The following KCNA3 variants were observed in gnomAD, a reference collection of about 807,000 sequenced individuals.
The protein encoded by KCNA3 is potassium voltage-gated channel subfamily A member 3.
Under a neutral mutation model 34.3 loss-of-function variants are expected in KCNA3, and 18 were observed. The observed-to-expected ratio is 0.52, with a 90% CI of 0.36 to 0.78. KCNA3 has a LOEUF of 0.78. Ranked by LOEUF, KCNA3 falls within the 30% of genes least tolerant of loss-of-function variation. The pLI, the probability that KCNA3 is intolerant of heterozygous loss-of-function variation, is 0.00. For synonymous variants in KCNA3, 324 were observed against 351.7 expected, an observed-to-expected ratio of 0.92 and a Z score of 0.88; for missense variants, 587 against 802.5, an observed-to-expected ratio of 0.73 and a Z score of 3.24.
At position 110,674,032 on chromosome 1, in the gene KCNA3, G is replaced by C. The variant is rs748878390; in HGVS notation, c.778C>G (p.Arg260Gly). The change falls in exon 1 of 1, where the codon CGC (arginine) becomes GGC (glycine). Residue 260 changes from arginine (R) to glycine (G), a missense_variant. Arg to Gly is a moderately radical substitution (Grantham distance 125). Transcript: ENST00000369769. The surrounding 1 kb of genome is among the most constrained non-coding windows in gnomAD (Gnocchi z 6.4). ...IFCLETLPEF[R>G]DEKDYPASTS... ...GAGGCGGGGTAGTCCTTCTCGTCGC[G>C]GAACTCCGGCAGCGTCTCCAGGCAG... 2 of 1,608,550 alleles carry C rather than the reference G, an allele frequency of 1.2e-6. No individual in the cohort carries two copies. The highest frequency in any genetic ancestry group is 1.1e-5 in the South Asian group (1 of 90,636).
chr1:110,671,589 C>G (rs1651892554), downstream of KCNA3, among the ~76,000 whole-genome samples: 1 of 152,152 alleles, frequency 6.6e-6, no homozygotes, highest in Non-Finnish European at 1.5e-5. Context: ...GCAATTCACT[C>G]AGTTTTAAAC....
chr1:110,673,306 C>T lies in KCNA3; in HGVS notation c.1504G>A (p.Val502Met). 1.9e-6 allele frequency: 3 copies of T among 1,613,914 alleles called. No homozygotes were observed. The highest frequency in any genetic ancestry group is 2.2e-5 in the East Asian group (1 of 44,878). Residue 502 changes from valine (V) to methionine (M), a missense_variant, in exon 1 of 1, where the codon GTG becomes ATG. This residue lies in a region of KCNA3 where 95 missense variants were observed against 107.3 expected (regional missense o/e 0.89). Transcript: ENST00000369769. This position sits in a 1 kb window ranked among gnomAD's most constrained non-coding sequence, Gnocchi z 8.8. ...EGEEQSQYMH[V>M]GSCQHLSSSA... ...GAGGAGAGGTGCTGGCAACTTCCCA[C>T]GTGCATGTACTGGGATTGCTCTTCC...
At position 110,673,271 on chromosome 1, in the gene KCNA3, C is replaced by T. The variant is rs750098086; in HGVS notation, c.1539G>A (p.Glu513=). The change falls in exon 1 of 1, where the codon GAG becomes GAA. Residue 513 remains glutamate (E), a synonymous_variant. Transcript: ENST00000369769. This position sits in a 1 kb window ranked among gnomAD's most constrained non-coding sequence, Gnocchi z 8.8. The part of the protein sequence containing the change: ...GSCQHLSSSA[E]ELRKARSNST... ...AGTTACTCCTTGCTTTTCGGAGCTCCTCGGCTGAAGAGGAGAGGTGCTGGC... is the reference window on the plus strand; with the variant it reads ...AGTTACTCCTTGCTTTTCGGAGCTCTTCGGCTGAAGAGGAGAGGTGCTGGC... 3.7e-6 allele frequency: 6 copies of T among 1,614,060 alleles called. No homozygotes were observed. In the East Asian group the frequency reaches 1.3e-4, roughly 36 times the overall value.
downstream of KCNA3, among the ~76,000 whole-genome samples, chr1:110,667,669 A>G (rs1346779975): frequency 1.3e-5 from 2 of 152,152 alleles, no homozygotes; most frequent in African/African-American, 4.8e-5. Flanking sequence ...TTGATGGCTA[A>G]TGGTGCAAAT....
In KCNA3 at chr1:110,674,541, G is replaced by T. The variant is rs749760182; in HGVS notation, c.269C>A (p.Pro90Gln). ...CTCGCCCGCGGCCGGCAGTGAGGGC[G>T]GCAGCGGCTCGTAGCGGTCGCAGCC... ...GGGCDRYEPL[P>Q]PSLPAAGEQD... The change falls in exon 1 of 1, where the codon CCG becomes CAG. Residue 90 changes from proline to glutamine, a missense_variant. Physicochemically the swap from Pro to Gln is moderately conservative, Grantham distance 76 (BLOSUM62 -1). Transcript: ENST00000369769. The surrounding 1 kb of genome is among the most constrained non-coding windows in gnomAD (Gnocchi z 6.4). 2.5e-6 allele frequency: 4 copies of T among 1,604,798 alleles called. No homozygotes were observed. The highest frequency in any genetic ancestry group is 2.3e-5 in the East Asian group (1 of 44,248).
chr1:110,674,008 A>C lies in KCNA3; in HGVS notation c.802T>G (p.Ser268Ala). The C allele has an allele frequency of 1.9e-6, 3 of 1,612,726 alleles. No homozygotes were observed. Among genetic ancestry groups the C allele is most frequent in the Non-Finnish European group, 2.5e-6 (3 of 1,179,248 alleles). ...EFRDEKDYPA[S>A]TSQDSFEAAG... is the part of the protein sequence containing the mutation. ...GCTTCGAATGAGTCCTGCGACGTCG[A>C]GGCGGGGTAGTCCTTCTCGTCGCGG... The change falls in exon 1 of 1, where the codon TCG (serine) becomes GCG (alanine). Residue 268 changes from serine to alanine, a missense_variant. Around this residue, in one of 7 missense-constraint regions of KCNA3, gnomAD observed 50 missense variants for 45.3 expected, o/e 1.10. Coordinates refer to ENST00000369769, the MANE Select transcript of KCNA3 (RefSeq NM_002232.5). The surrounding 1 kb of genome is among the most constrained non-coding windows in gnomAD (Gnocchi z 6.4).
the KCNA3 span, among the ~76,000 whole-genome samples, chr1:110,657,349 G>A: frequency 1.3e-5 from 2 of 151,970 alleles, no homozygotes; most frequent in East Asian, 3.9e-4. Context: ...ACCCGGCCCT[G>A]TTTTCTTCAA....
At chr1:110,659,605 A>G in the KCNA3 span, among the ~76,000 whole-genome samples, 7 of 152,192 alleles carry the variant, frequency 4.6e-5, no homozygotes, top group Non-Finnish European at 1.0e-4. Context: ...CAGAGTAAAC[A>G]CAATAATTTA....
chr1:110,660,071 G>T, the KCNA3 span, among the ~76,000 whole-genome samples: 4 of 151,870 alleles, frequency 2.6e-5, no homozygotes, highest in Non-Finnish European at 5.9e-5. Context: ...TAACCTAGAA[G>T]TTAAAGTATA....
downstream of KCNA3, among the ~76,000 whole-genome samples, chr1:110,670,729 A>G (rs1229112377): frequency 2.0e-5 from 3 of 152,194 alleles, no homozygotes; most frequent in African/African-American, 7.2e-5. Flanking sequence ...AAAAACAAAT[A>G]TATGATAAAA....
the KCNA3 span, among the ~76,000 whole-genome samples, chr1:110,659,749 G>A: frequency 6.6e-6 from 1 of 152,162 alleles, no homozygotes; most frequent in Admixed American, 6.5e-5. Context: ...GGAATACTAT[G>A]CAGCCATAAA....
At position 110,672,785 on chromosome 1, in the gene KCNA3, G is replaced by T; in HGVS notation, c.*297C>A. 1 of 313,458 alleles carries T rather than the reference G, an allele frequency of 3.2e-6. No individual in the cohort carries two copies. Among genetic ancestry groups the T allele is most frequent in the Non-Finnish European group, 5.9e-6 (1 of 170,330 alleles). The allele number at this position is 313,458 out of a possible 1,614,324, so 19.4% of individuals were successfully genotyped here. On this transcript the variant is annotated 3_prime_UTR_variant, in exon 1 of 1. Transcript: ENST00000369769. ...GTTTCATTTCCTCCCAGGATGTACT[G>T]CTCTTTTTTAAATAGGGCGTGTACT...
chr1:110,673,910 C>A lies in KCNA3; in HGVS notation c.900G>T (p.Thr300=). The change falls in exon 1 of 1, where the codon ACG becomes ACT. Residue 300 remains threonine (T), a synonymous_variant. Coordinates refer to ENST00000369769, the MANE Select transcript of KCNA3 (RefSeq NM_002232.5). This position sits in a 1 kb window ranked among gnomAD's most constrained non-coding sequence, Gnocchi z 8.8. ...SFSDPFFVVE[T]LCIIWFSFEL... is the part of the protein sequence containing the mutation. Reference sequence around the variant, plus strand: ...CGAAGGAGAACCAGATGATGCACAGCGTCTCCACCACGAAGAAGGGATCGG... The same window carrying A: ...CGAAGGAGAACCAGATGATGCACAGAGTCTCCACCACGAAGAAGGGATCGG... The A allele has an allele frequency of 6.2e-7, 1 of 1,614,158 alleles. No homozygotes were observed. Among genetic ancestry groups the A allele is most frequent in the Non-Finnish European group, 8.5e-7 (1 of 1,180,026 alleles).
At position 110,674,370 on chromosome 1, in the gene KCNA3, TA is replaced by T; in HGVS notation, c.439del (p.Tyr147ThrfsTer182). The T allele has an allele frequency of 1.2e-6, 2 of 1,614,092 alleles. No homozygotes were observed. Among genetic ancestry groups the T allele is most frequent in the Non-Finnish European group, 1.7e-6 (2 of 1,179,994 alleles). ...GCTGGGCCGGTTGCGGTCGAAGAAG[TA>T]CTCGTTGCGGAGCGGGTCGAAGTAC... is the stretch of plus-strand genomic sequence containing the variant. ...MRYFDPLRNE[Y>X]FFDRNRPSFD... On this transcript the variant is annotated frameshift_variant, in exon 1 of 1. Coordinates refer to ENST00000369769, the MANE Select transcript of KCNA3 (RefSeq NM_002232.5). LOFTEE classifies it high-confidence loss of function. This position sits in a 1 kb window ranked among gnomAD's most constrained non-coding sequence, Gnocchi z 6.4.
the KCNA3 span, among the ~76,000 whole-genome samples, chr1:110,662,817 C>T: frequency 6.6e-6 from 1 of 152,160 alleles, no homozygotes; most frequent in Non-Finnish European, 1.5e-5. Context: ...TAAATATCTT[C>T]AATTTATATG....
chr1:110,674,236 C>T lies in KCNA3; in HGVS notation c.574G>A (p.Glu192Lys). ...TCCTCGCGGAACTTCTCCATGGCCT[C>T]CTCGCCCAGCTGGTAGAAGCGGATC... is the stretch of plus-strand genomic sequence containing the variant. ...EEIRFYQLGE[E>K]AMEKFREDEG... The change falls in exon 1 of 1, where the codon GAG (glutamate) becomes AAG (lysine). Residue 192 changes from glutamate to lysine, a missense_variant. By Grantham distance (56) the Glu-to-Lys change is moderately conservative (BLOSUM62 1). Around this residue, in one of 7 missense-constraint regions of KCNA3, gnomAD observed 341 missense variants for 355.4 expected, o/e 0.96. Transcript: ENST00000369769. The surrounding 1 kb of genome is among the most constrained non-coding windows in gnomAD (Gnocchi z 6.4). 1 of 1,613,972 alleles carries T rather than the reference C, an allele frequency of 6.2e-7. No individual in the cohort carries two copies. Among genetic ancestry groups the T allele is most frequent in the Non-Finnish European group, 8.5e-7 (1 of 1,179,900 alleles).
downstream of KCNA3, among the ~76,000 whole-genome samples, chr1:110,670,957 A>G (rs1255072727): frequency 6.6e-6 from 1 of 152,142 alleles, no homozygotes; most frequent in Non-Finnish European, 1.5e-5. Context: ...ATATGCTATT[A>G]AAACCAAAAA....
rs562216946 is a variant in KCNA3, at chr1:110,674,500, C to G, written c.310G>C (p.Glu104Gln). ...CCGGAGATGTTGATGACCACGCGCT[C>G]CCCGCAGCAGTCCTGCTCGCCCGCG... ...PAAGEQDCCGERVVINISGLR... is the reference protein window; with the variant it reads ...PAAGEQDCCGQRVVINISGLR... The change falls in exon 1 of 1, where the codon GAG (glutamate) becomes CAG (glutamine). Residue 104 changes from glutamate to glutamine, a missense_variant. By Grantham distance (29) the Glu-to-Gln change is conservative. Around this residue, in one of 7 missense-constraint regions of KCNA3, gnomAD observed 341 missense variants for 355.4 expected, o/e 0.96. Transcript: ENST00000369769. This position sits in a 1 kb window ranked among gnomAD's most constrained non-coding sequence, Gnocchi z 6.4. 10 of 1,613,480 alleles carry G rather than the reference C, an allele frequency of 6.2e-6. No individual in the cohort carries two copies. The highest frequency in any genetic ancestry group is 1.3e-5 in the African/African-American group (1 of 75,046).
downstream of KCNA3, among the ~76,000 whole-genome samples, chr1:110,668,254 G>A (rs1651759011): frequency 6.6e-6 from 1 of 152,090 alleles, no homozygotes; most frequent in African/African-American, 2.4e-5. Flanking sequence ...TAAGTCTTCA[G>A]ATTATGGGGC....
Sources: gnomAD v4.1 joint callset for allele counts (sites outside exome capture counted in the v4.1 genomes callset) on GRCh38, gnomAD v4.1.1 for gene constraint, gnomAD v4.1.1 regional missense constraint, Gnocchi (gnomAD v3.1) non-coding constraint, MANE v1.5 for transcripts, NCBI Gene and HGNC (gene_info 2026-07-23, HGNC 2026-07-21) for gene names.